Variants in DPP6 observed in about 807,000 individuals in gnomAD.
DPP6 encodes the protein dipeptidyl peptidase like 6, also known as A-type potassium channel modulatory protein DPP6.
Under a neutral mutation model 122.6 loss-of-function variants are expected in DPP6, and 69 were observed. The ratio of observed to expected loss-of-function variants is 0.56; its 90% CI spans 0.46 to 0.69. The LOEUF is 0.69. Among genes scored for constraint, DPP6 ranks in the 30% least tolerant of loss-of-function variants. The pLI, the probability that DPP6 is intolerant of heterozygous loss-of-function variation, is 0.00. For missense variants in DPP6, 928 were observed against 1,116.9 expected, an observed-to-expected ratio of 0.83 and a Z score of 2.41; for synonymous variants, 418 against 433.1, an observed-to-expected ratio of 0.97 and a Z score of 0.43.
At chr7:153,767,286 C>A in the DPP6 span, among the ~76,000 whole-genome samples, 2 of 152,108 alleles carry the variant, frequency 1.3e-5, no homozygotes, top group Non-Finnish European at 1.5e-5. Flanking sequence ...TAAAATGCTA[C>A]AATAAATGCA....
intron 6 of DPP6, among the ~76,000 whole-genome samples, chr7:154,657,049 CAT>C (rs1299204609): frequency 9.8e-6 from 1 of 101,758 alleles, no homozygotes; most frequent in African/African-American, 5.2e-5. Context: ...AGGAGGTGCT[CAT>C]GGGTGGGTGG....
chr7:154,258,791 G>T (rs1298564313), intron 1 of DPP6, among the ~76,000 whole-genome samples: 1 of 152,118 alleles, frequency 6.6e-6, no homozygotes, highest in Admixed American at 6.5e-5. Flanking sequence ...AAACACAACA[G>T]TAATGAGAGA....
At chr7:154,144,158 T>C (rs1225912337) in intron 1 of DPP6, among the ~76,000 whole-genome samples, 3 of 152,204 alleles carry the variant, frequency 2.0e-5, no homozygotes, top group Admixed American at 6.5e-5. Context: ...TGAATTTTTT[T>C]CATGTTTATT....
rs924792880 is a variant in DPP6 at position 154,875,984 on chromosome 7, C to T, written c.1962C>T (p.Gly654=). The T allele has an allele frequency of 7.4e-6, 12 of 1,613,354 alleles. No homozygotes were observed. Among genetic ancestry groups the T allele is most frequent in the East Asian group, 2.2e-5 (1 of 44,862 alleles). The part of the protein sequence containing the change: ...SWETVMVSSH[G]AVVVKCDGRG... ...AGACGGTGATGGTGAGCAGCCACGGCGCGGTGGTGGTAAAGTGTGACGGCC... is the reference window on the plus strand; with the variant it reads ...AGACGGTGATGGTGAGCAGCCACGGTGCGGTGGTGGTAAAGTGTGACGGCC... Residue 654 remains glycine (G), a synonymous_variant, in exon 20 of 26, where the codon GGC becomes GGT. Transcript: ENST00000377770. The surrounding 1 kb of genome is among the most constrained non-coding windows in gnomAD (Gnocchi z 4.5).
At chr7:154,423,958 A>G (rs1472378283) in intron 1 of DPP6, among the ~76,000 whole-genome samples, 1 of 152,212 alleles carries the variant, frequency 6.6e-6, no homozygotes, top group Non-Finnish European at 1.5e-5. Context: ...AGCTTGTTTC[A>G]CGGCCTTTGT....
At chr7:154,408,137 G>C (rs1168758108) in intron 1 of DPP6, among the ~76,000 whole-genome samples, 1 of 152,152 alleles carries the variant, frequency 6.6e-6, no homozygotes, top group Admixed American at 6.5e-5. Flanking sequence ...GGGGAAGGTT[G>C]GCAGTTGTAG....
intron 5 of DPP6, among the ~76,000 whole-genome samples, chr7:154,589,663 TA>T (rs1202420730): frequency 6.6e-6 from 1 of 152,216 alleles, no homozygotes; most frequent in Non-Finnish European, 1.5e-5. Flanking sequence ...AACTTAAAAT[TA>T]CATAGGCCAT....
intron 8 of DPP6, among the ~76,000 whole-genome samples, chr7:154,763,644 C>A (rs1795712146): frequency 6.6e-6 from 1 of 152,182 alleles, no homozygotes; most frequent in African/African-American, 2.4e-5. Flanking sequence ...AAAAACAAGG[C>A]CAGTGAGGTC....
intron 1 of DPP6, among the ~76,000 whole-genome samples, chr7:154,167,563 C>T (rs998568650): frequency 7.2e-5 from 11 of 152,204 alleles, no homozygotes; most frequent in Admixed American, 1.3e-4. Flanking sequence ...TTTGCGTACG[C>T]ATTTTACAGC....
chr7:153,764,482 C>G, the DPP6 span, among the ~76,000 whole-genome samples: 1 of 152,126 alleles, frequency 6.6e-6, no homozygotes, highest in African/African-American at 2.4e-5. Context: ...AGGTTGGGTT[C>G]AGGGGGAGGA....
chr7:154,520,965 C>T (rs950665322), intron 3 of DPP6, among the ~76,000 whole-genome samples: 1 of 152,218 alleles, frequency 6.6e-6, no homozygotes, highest in African/African-American at 2.4e-5. Flanking sequence ...CAGTGATCTT[C>T]TGGCGGCCCA....
chr7:153,850,882 G>A, the DPP6 span, among the ~76,000 whole-genome samples: 2 of 152,176 alleles, frequency 1.3e-5, no homozygotes, highest in Non-Finnish European at 2.9e-5. Flanking sequence ...TTTGGGTGGA[G>A]ACACAGCCAA....
At chr7:154,527,468 T>C (rs1170089853) in intron 3 of DPP6, among the ~76,000 whole-genome samples, 4 of 152,190 alleles carry the variant, frequency 2.6e-5, no homozygotes, top group Non-Finnish European at 4.4e-5. Context: ...GTTGACTGTC[T>C]TAAGATATGT....
At chr7:154,147,572 C>T (rs1199760574) in intron 1 of DPP6, among the ~76,000 whole-genome samples, 2 of 151,932 alleles carry the variant, frequency 1.3e-5, no homozygotes, top group Non-Finnish European at 1.5e-5. Flanking sequence ...CTCCGTCTCC[C>T]AGGTACAAGT....
chr7:154,761,453 C>T (rs1795549161), intron 8 of DPP6, among the ~76,000 whole-genome samples: 1 of 152,210 alleles, frequency 6.6e-6, no homozygotes, highest in Admixed American at 6.5e-5. Flanking sequence ...AAAGCCATAC[C>T]ACCCTGTGTG....
chr7:153,956,278 G>C (rs1305267914), intron 1 of DPP6, among the ~76,000 whole-genome samples: 1 of 152,062 alleles, frequency 6.6e-6, no homozygotes, highest in Non-Finnish European at 1.5e-5. Context: ...ATTCAGAAGG[G>C]AGACTGGGCT....
At chr7:154,478,892 C>T (rs924596797) in intron 3 of DPP6, among the ~76,000 whole-genome samples, 1 of 152,110 alleles carries the variant, frequency 6.6e-6, no homozygotes, top group African/African-American at 2.4e-5. Flanking sequence ...TTACAAAATA[C>T]GCAAGAGATG....
At chr7:154,868,761 C>T (rs572398610) in intron 18 of DPP6, among the ~76,000 whole-genome samples, 9 of 152,354 alleles carry the variant, frequency 5.9e-5, no homozygotes, top group African/African-American at 1.9e-4. Flanking sequence ...CCAAGTCACC[C>T]GGCTGGCCCC....
At chr7:154,293,136 A>G (rs535659123) in intron 1 of DPP6, among the ~76,000 whole-genome samples, 5 of 152,122 alleles carry the variant, frequency 3.3e-5, no homozygotes, top group Non-Finnish European at 2.9e-5. Flanking sequence ...GCTGAGGTCT[A>G]TTTCCTAATG....
Sources: gnomAD v4.1 joint callset for allele counts (sites outside exome capture counted in the v4.1 genomes callset) on GRCh38, gnomAD v4.1.1 for gene constraint, Gnocchi (gnomAD v3.1) non-coding constraint, MANE v1.5 for transcripts, NCBI Gene and HGNC (gene_info 2026-07-23, HGNC 2026-07-21) for gene names.